The following KIF12 variants were observed in gnomAD, a reference collection of about 807,000 sequenced individuals.
The protein encoded by KIF12 is kinesin-like protein KIF12.
KIF12 carries 80 observed loss-of-function variants against 87.9 expected under a neutral mutation model. That is an observed-to-expected ratio of 0.91 (90% CI 0.76 to 1.10). KIF12 has a LOEUF of 1.10. Among genes scored for constraint, KIF12 ranks in the 50% least tolerant of loss-of-function variants. KIF12 has a pLI of 0.00. For synonymous variants in KIF12, 353 were observed against 348.5 expected, an observed-to-expected ratio of 1.01 and a Z score of -0.14; for missense variants, 819 against 865.3, an observed-to-expected ratio of 0.95 and a Z score of 0.67.
chr9:114,092,864 C>T (rs551760037), intron 16 of KIF12: 30 of 1,432,286 alleles, frequency 2.1e-5, no homozygotes, highest in South Asian at 1.7e-4. Flanking sequence ...GCAGGAACCA[C>T]GTCTGGTCTA....
chr9:114,097,420 C>A lies in KIF12; in HGVS notation c.527G>T (p.Ser176Ile). The change falls in exon 7 of 19, where the codon AGC (serine) becomes ATC (isoleucine). Residue 176 changes from serine to isoleucine, a missense_variant. Transcript: ENST00000640217. ...IYNEQVRDLL[S>I]LGSPRPLPVR... ...AGGGAGGGGCCGGGGAGACCCCAGG[C>A]TCAGCAAGTCCCGAACCTGGGAGGG... 6.3e-7 allele frequency: 1 copy of A among 1,595,020 alleles called. No homozygotes were observed. The highest frequency in any genetic ancestry group is 8.5e-7 in the Non-Finnish European group (1 of 1,173,122).
At chr9:114,092,908 G>A in intron 16 of KIF12, 1 of 1,431,282 alleles carries the variant, frequency 7.0e-7, no homozygotes, top group Non-Finnish European at 9.1e-7. Flanking sequence ...AGAGAGGCTG[G>A]TATAAAGCAA....
chr9:114,095,956 T>G, intron 9 of KIF12, 95 bp downstream of exon 9: 1 of 1,377,560 alleles, frequency 7.3e-7, no homozygotes, highest in Non-Finnish European at 9.9e-7. Context: ...CCTCTTCTAT[T>G]TACTACAACT....
rs775468266 is a variant in KIF12, at chr9:114,092,388, T to C, written c.1761A>G (p.Val587=). The part of the protein sequence containing the change: ...LAEMLTEEEV[V]PSAPPLPVRP... ...TCACAGGCAGGGGAGGTGCAGAAGG[T>C]ACCACCTCCTCCTCCGTCAACATCT... Residue 587 remains valine, a synonymous_variant, in exon 18 of 19, where the codon GTA becomes GTG. Coordinates refer to ENST00000640217, the MANE Select transcript of KIF12 (RefSeq NM_001388308.1). 1.9e-6 allele frequency: 3 copies of C among 1,612,292 alleles called. No individual in the cohort carries two copies. Among genetic ancestry groups the C allele is most frequent in the Non-Finnish European group, 1.7e-6 (2 of 1,179,386 alleles).
In KIF12 at chr9:114,096,046, C is replaced by T; in HGVS notation, c.895+5G>A. 1 of 1,606,634 alleles carries T rather than the reference C, an allele frequency of 6.2e-7. No homozygotes were observed. On this transcript the variant is annotated splice_donor_5th_base_variant and intron_variant, in intron 9 of 18. Transcript: ENST00000640217. ...GAAATCACACCGGTGGCCCCCAGGT[C>T]TCACCCAGGGCCAGCAGGCTTCGGT...
At position 114,098,161 on chromosome 9, in the gene KIF12, T is replaced by G; in HGVS notation, c.329A>C (p.Gln110Pro). The G allele has an allele frequency of 6.5e-7, 1 of 1,548,562 alleles. No individual in the cohort carries two copies. Among genetic ancestry groups the G allele is most frequent in the Non-Finnish European group, 8.7e-7 (1 of 1,146,400 alleles). ...GGTGTAGGTCTTCCCAGAGCCCGTC[T>G]GGCCAAAGGTGAAAACAGTGCAGGA... is the stretch of plus-strand genomic sequence containing the variant. ...GFSCTVFTFGQTGSGKTYTLT... is the reference protein window; with the variant it reads ...GFSCTVFTFGPTGSGKTYTLT... The change falls in exon 5 of 19, where the codon CAG (glutamine) becomes CCG (proline). Residue 110 changes from glutamine (Q) to proline (P), a missense_variant. Gln to Pro is a moderately conservative substitution (Grantham distance 76). Coordinates refer to ENST00000640217, the MANE Select transcript of KIF12 (RefSeq NM_001388308.1).
In KIF12 at chr9:114,092,686, CCTCT is replaced by C. The variant is rs761643999; in HGVS notation, c.1597-48_1597-45del. The C allele has an allele frequency of 9.1e-6, 14 of 1,542,150 alleles. No individual in the cohort carries two copies. The South Asian group carries it at 1.1e-4, about 12-fold the overall frequency. On this transcript the variant is annotated intron_variant, in intron 16 of 18. Coordinates refer to ENST00000640217, the MANE Select transcript of KIF12 (RefSeq NM_001388308.1). ...TCCACTCTGGGTGACCTCAGTCCTG[CCTCT>C]CTGTGTCCCACCTACCTGGTGCTAG...
chr9:114,099,217 A>C, intron 1 of KIF12, 34 bp downstream of exon 1: 1 of 1,550,858 alleles, frequency 6.4e-7, no homozygotes, highest in Non-Finnish European at 8.7e-7. Context: ...GCGGCTGTTC[A>C]GGACTCCTCG....
rs906204630 is a variant in KIF12, at chr9:114,098,456, G to A, written c.172-27C>T. 2.7e-6 allele frequency: 4 copies of A among 1,484,606 alleles called. No homozygotes were observed. In the East Asian group the frequency reaches 1.1e-4, roughly 39 times the overall value. The allele number at this position is 1,484,606 out of a possible 1,614,324, so 92.0% of individuals were successfully genotyped here. ...TGGCGCGGGTGGGGCGGAGGAGCGG[G>A]GCACTCTGGAGGAGGGCGGGGCACC... On this transcript the variant is annotated intron_variant, in intron 3 of 18. Coordinates refer to ENST00000640217, the MANE Select transcript of KIF12 (RefSeq NM_001388308.1).
In KIF12 at chr9:114,098,411, C is replaced by A. The variant is rs1481969935; in HGVS notation, c.190G>T (p.Gly64Cys). 2 of 1,506,160 alleles carry A rather than the reference C, an allele frequency of 1.3e-6. No homozygotes were observed. The highest frequency in any genetic ancestry group is 2.3e-4 in the Middle Eastern group (1 of 4,340). 93.3% of individuals were successfully genotyped at this position (1,506,160 alleles called of 1,614,324 possible). Residue 64 changes from glycine (G) to cysteine (C), a missense_variant, in exon 4 of 19, where the codon GGT becomes TGT. By Grantham distance (159) the Gly-to-Cys change is radical. Coordinates refer to ENST00000640217, the MANE Select transcript of KIF12 (RefSeq NM_001388308.1). Reference protein sequence around the residue: ...RTLQVSPPGGGPEVAFRFGAV... With the variant: ...RTLQVSPPGGCPEVAFRFGAV... ...CCGAAGCGGAACGCCACTTCTGGAC[C>A]CCCGCCTGGAGGACTCACCTGGCGC...
intron 11 of KIF12, 52 bp from the exon 12 acceptor site, chr9:114,094,507 T>C: frequency 9.2e-7 from 1 of 1,082,784 alleles, no homozygotes. Context: ...AGTCGTGCAC[T>C]GCACAAGAAC....
In KIF12 at chr9:114,098,329, C is replaced by G; in HGVS notation, c.272G>C (p.Arg91Pro). 1 of 1,472,622 alleles carries G rather than the reference C, an allele frequency of 6.8e-7. No individual in the cohort carries two copies. Among genetic ancestry groups the G allele is most frequent in the South Asian group, 1.4e-5 (1 of 73,230 alleles). 91.2% of individuals were successfully genotyped at this position (1,472,622 alleles called of 1,614,324 possible). Residue 91 changes from arginine (R) to proline (P), a missense_variant, in exon 4 of 19, where the codon CGG (arginine) becomes CCG (proline). By Grantham distance (103) the Arg-to-Pro change is moderately radical (BLOSUM62 -2). Coordinates refer to ENST00000640217, the MANE Select transcript of KIF12 (RefSeq NM_001388308.1). ...GCGCAGCGCCAGCTCCCCCAGGCGC[C>G]GCACGCCGCACGCCCGGAACACGTC... ...QEDVFRACGV[R>P]RLGELALRGF...
rs1423715359 is a variant in KIF12, at chr9:114,098,128, C to T, written c.362G>A (p.Gly121Glu). ...TGSGKTYTLTGPPPQGEGVPV... is the reference protein window; with the variant it reads ...TGSGKTYTLTEPPPQGEGVPV... ...GCGCTCGCTCACCTGGGGAGGGGGT[C>T]CAGTCAGGGTGTAGGTCTTCCCAGA... Residue 121 changes from glycine to glutamate, a missense_variant, in exon 5 of 19, where the codon GGA (glycine) becomes GAA (glutamate). Transcript: ENST00000640217. 1.9e-6 allele frequency: 3 copies of T among 1,547,682 alleles called. No homozygotes were observed. The highest frequency in any genetic ancestry group is 2.0e-4 in the Middle Eastern group (1 of 5,108).
chr9:114,096,804 C>A (rs1452812185), intron 7 of KIF12, among the ~76,000 whole-genome samples: 1 of 152,168 alleles, frequency 6.6e-6, no homozygotes, highest in Non-Finnish European at 1.5e-5. Flanking sequence ...GGGCCAGAAT[C>A]CACAGTCAGC....
Position 114,095,204 on chromosome 9 carries a change from G to A in KIF12, c.1014+10C>T, listed in dbSNP as rs182381184. On this transcript the variant is annotated intron_variant, in intron 10 of 18. Transcript: ENST00000640217. ...GACCCAACCTTCCCTGCCAGGCCCCGCTTAAGTACCATGAGGGTGACCCCG... is the reference window on the plus strand; with the variant it reads ...GACCCAACCTTCCCTGCCAGGCCCCACTTAAGTACCATGAGGGTGACCCCG... The A allele has an allele frequency of 1.2e-4, 196 of 1,613,098 alleles. 1 individual carries two copies. In the East Asian group the frequency reaches 3.9e-3, roughly 32 times the overall value.
intron 5 of KIF12, 38 bp downstream of exon 5, chr9:114,098,077 A>G: frequency 1.3e-6 from 2 of 1,534,000 alleles, no homozygotes; most frequent in Non-Finnish European, 1.8e-6. Flanking sequence ...CAGCCCACCC[A>G]GCCCCGCCCC....
At chr9:114,092,099 G>C in intron 18 of KIF12, 99 bp from the exon 19 acceptor site, 4 of 1,469,758 alleles carry the variant, frequency 2.7e-6, no homozygotes, top group Non-Finnish European at 3.6e-6. Context: ...TCAGGGGGTA[G>C]GTACCCTCCA....
In KIF12 at chr9:114,099,137, T is replaced by C. The variant is rs1252493133; in HGVS notation, c.59A>G (p.Glu20Gly). ...DLARSLEQGP[E>G]GPETPIQVVL... ...CACCTGGATGGGCGTTTCCGGCCCC[T>C]CTGGCCCTTGCTCCAGGCTCCGCGC... The change falls in exon 2 of 19, where the codon GAG becomes GGG. Residue 20 changes from glutamate to glycine, a missense_variant. Transcript: ENST00000640217. 1.3e-5 allele frequency: 20 copies of C among 1,550,450 alleles called. No individual in the cohort carries two copies. Among genetic ancestry groups the C allele is most frequent in the Middle Eastern group, 3.3e-4 (2 of 6,014 alleles).
chr9:114,096,169 A>G lies in KIF12; in HGVS notation c.777T>C (p.Pro259=). 6.2e-7 allele frequency: 1 copy of G among 1,613,928 alleles called. No individual in the cohort carries two copies. The highest frequency in any genetic ancestry group is 8.5e-7 in the Non-Finnish European group (1 of 1,180,010). Residue 259 remains proline, a synonymous_variant, in exon 9 of 19, where the codon CCT becomes CCC. Coordinates refer to ENST00000640217, the MANE Select transcript of KIF12 (RefSeq NM_001388308.1). The part of the protein sequence containing the change: ...QMPSVDPGEP[P]VGGKLCFVDL... Reference sequence around the variant, plus strand: ...CCACAAAGCACAGCTTCCCACCAACAGGGGGCTCCCCAGGGTCCACAGAAG... The same window carrying G: ...CCACAAAGCACAGCTTCCCACCAACGGGGGGCTCCCCAGGGTCCACAGAAG...
Sources: allele counts gnomAD v4.1 joint callset (sites outside exome capture counted in the v4.1 genomes callset), GRCh38; gene constraint gnomAD v4.1.1; transcripts MANE v1.5; gene names NCBI Gene and HGNC (gene_info 2026-07-23, HGNC 2026-07-21).